The following CCNE1 variants were observed in gnomAD, a reference collection of about 807,000 sequenced individuals.
CCNE1 encodes the protein G1/S-specific cyclin-E1.
Under a neutral mutation model 54.1 loss-of-function variants are expected in CCNE1, and 8 were observed. That is an observed-to-expected ratio of 0.15 (90% CI 0.09 to 0.27). CCNE1 has a LOEUF of 0.27. CCNE1 is among the 10% of genes least tolerant of loss of function. CCNE1 has a pLI of 1.00. For synonymous variants in CCNE1, 179 were observed against 185.2 expected (o/e 0.97, Z 0.27); for missense variants, 430 against 514.9 (o/e 0.84, Z 1.60).
In CCNE1 at chr19:29,823,891, C is replaced by A; in HGVS notation, c.*114C>A. On this transcript the variant is annotated 3_prime_UTR_variant, in exon 12 of 12. Transcript: ENST00000262643. Reference sequence around the variant, plus strand: ...CAGATATCTGAATGGAAGAGTGTTTCTTCCACAACAGAAGTATTTCTGTGG... The same window carrying A: ...CAGATATCTGAATGGAAGAGTGTTTATTCCACAACAGAAGTATTTCTGTGG... 3 of 1,148,600 alleles carry A rather than the reference C, an allele frequency of 2.6e-6. No homozygotes were observed. The highest frequency in any genetic ancestry group is 6.3e-4 in the Middle Eastern group (2 of 3,152). The allele number at this position is 1,148,600 out of a possible 1,614,324, so 71.2% of individuals were successfully genotyped here. A position where few individuals can be genotyped will look rare whatever the true frequency, so the allele number is the denominator to read the frequency against.
At chr19:29,818,531 C>T (rs1366987866) in intron 6 of CCNE1, among the ~76,000 whole-genome samples, 1 of 152,156 alleles carries the variant, frequency 6.6e-6, no homozygotes, top group East Asian at 1.9e-4. Context: ...AAATTGTAAA[C>T]ATATATGAAC....
At chr19:29,816,996 T>A in intron 4 of CCNE1, 141 bp from the exon 5 acceptor site, 1 of 810,662 alleles carries the variant, frequency 1.2e-6, no homozygotes, top group Non-Finnish European at 1.9e-6. Context: ...ACAAAAAATA[T>A]CATAATGTAT....
chr19:29,819,348 T>TC (rs1179043590), intron 6 of CCNE1, among the ~76,000 whole-genome samples: 1 of 150,520 alleles, frequency 6.6e-6, no homozygotes, highest in African/African-American at 2.4e-5. Flanking sequence ...AGTGGTGCAG[T>TC]CACGGCTCAC....
At chr19:29,817,644 A>C in intron 6 of CCNE1, 103 bp downstream of exon 6, 1 of 1,226,642 alleles carries the variant, frequency 8.2e-7, no homozygotes. Flanking sequence ...CATGTTCTCC[A>C]TCTCTGAAGC....
Position 29,817,478 on chromosome 19 carries a change from T to C in CCNE1, c.399T>C (p.Phe133=), listed in dbSNP as rs3218045. 0.039 allele frequency: 62,943 copies of C among 1,614,192 alleles called. 1,423 individuals carry two copies. The highest frequency in any genetic ancestry group is 0.058 in the Middle Eastern group (351 of 6,062). ...KEKTYLRDQH[F]LEQHPLLQPK... is the part of the protein sequence containing the mutation. ...AGACATACTTAAGGGATCAGCACTT[T>C]CTTGAGCAACACCCTCTTCTGCAGC... The change falls in exon 6 of 12, where the codon TTT becomes TTC. Residue 133 remains phenylalanine, a synonymous_variant. Transcript: ENST00000262643.
chr19:29,821,450 C>T (rs1412932016), intron 7 of CCNE1, among the ~76,000 whole-genome samples: 3 of 151,380 alleles, frequency 2.0e-5, no homozygotes, highest in African/African-American at 7.3e-5. Flanking sequence ...GCCCAACTTT[C>T]AAATGTGTTA....
At chr19:29,818,096 A>C (rs1480007598) in intron 6 of CCNE1, among the ~76,000 whole-genome samples, 1 of 144,542 alleles carries the variant, frequency 6.9e-6, no homozygotes, top group Non-Finnish European at 1.5e-5. Context: ...GTGCGATCTC[A>C]GCTTACTGCA....
At chr19:29,813,317 T>G in intron 4 of CCNE1, 1 of 430,950 alleles carries the variant, frequency 2.3e-6, no homozygotes, top group Non-Finnish European at 4.2e-6. Flanking sequence ...TATTCAGTCC[T>G]CCCCTTCTGC....
At chr19:29,819,216 C>G (rs1974095272) in intron 6 of CCNE1, among the ~76,000 whole-genome samples, 1 of 151,980 alleles carries the variant, frequency 6.6e-6, no homozygotes, top group Non-Finnish European at 1.5e-5. Context: ...TGCACTCCAG[C>G]CTAGGTGACC....
intron 3 of CCNE1, 46 bp downstream of exon 3, chr19:29,812,822 C>T: frequency 6.3e-7 from 1 of 1,586,618 alleles, no homozygotes; most frequent in South Asian, 1.1e-5. Context: ...CCCATCTCAC[C>T]TGGGTACCCG....
intron 6 of CCNE1, among the ~76,000 whole-genome samples, chr19:29,818,972 A>G (rs923003101): frequency 1.3e-5 from 2 of 151,940 alleles, no homozygotes; most frequent in Admixed American, 6.6e-5. Context: ...CATGTTGGTC[A>G]GGCTGGTCTT....
intron 1 of CCNE1, 100 bp downstream of exon 1, chr19:29,812,252 G>T (rs1973906032): frequency 6.1e-6 from 1 of 163,932 alleles, no homozygotes; most frequent in Admixed American, 6.4e-5. Context: ...CGGGTCCCCG[G>T]GCGGCGTCGC....
chr19:29,815,290 C>T (rs560466410), intron 4 of CCNE1, among the ~76,000 whole-genome samples: 4 of 152,326 alleles, frequency 2.6e-5, no homozygotes, highest in Admixed American at 1.3e-4. Flanking sequence ...CAACTTACAG[C>T]GGTTGTAATG....
chr19:29,815,407 A>G (rs914239235), intron 4 of CCNE1, among the ~76,000 whole-genome samples: 1 of 152,164 alleles, frequency 6.6e-6, no homozygotes, highest in Non-Finnish European at 1.5e-5. Context: ...GATAATTTGC[A>G]TGCCCAATTC....
rs891967909 is a variant in CCNE1, at chr19:29,812,024, G to C, written c.-153G>C. ...CCGGCGCGGCCGCCAGCGCGGTGTA[G>C]GGGGCAGGCGCGGATCCCGCCACCG... On this transcript the variant is annotated 5_prime_UTR_variant, in exon 1 of 12. Coordinates refer to ENST00000262643, the MANE Select transcript of CCNE1 (RefSeq NM_001238.4). The C allele has an allele frequency of 6.8e-6, 1 of 147,572 alleles. No individual in the cohort carries two copies. The highest frequency in any genetic ancestry group is 1.8e-4 in the South Asian group (1 of 5,548). The allele number at this position is 147,572 out of a possible 1,614,324, so 9.1% of individuals were successfully genotyped here.
rs762712656 is a variant in CCNE1 at position 29,822,267 on chromosome 19, G to A, written c.868G>A (p.Asp290Asn). The change falls in exon 10 of 12, where the codon GAC becomes AAC. Residue 290 changes from aspartate (D) to asparagine (N), a missense_variant. Asp to Asn is a conservative substitution (Grantham distance 23). This residue lies in a region of CCNE1 where 303 missense variants were observed against 401.1 expected (regional missense o/e 0.76). Transcript: ENST00000262643. Reference protein sequence around the residue: ...ELLDLCVLDVDCLEFPYGILA... With the variant: ...ELLDLCVLDVNCLEFPYGILA... ...GTTGGATCTCTGTGTCCTGGATGTT[G>A]ACTGCCTTGAATTTCCTTATGGTAT... 1.9e-6 allele frequency: 3 copies of A among 1,614,000 alleles called. No homozygotes were observed. The highest frequency in any genetic ancestry group is 1.7e-6 in the Non-Finnish European group (2 of 1,179,990).
chr19:29,822,198 C>T (rs1974164710), intron 9 of CCNE1, 42 bp from the exon 10 acceptor site: 3 of 1,609,410 alleles, frequency 1.9e-6, no homozygotes, highest in Non-Finnish European at 2.5e-6. Context: ...CTAGAATAGG[C>T]GTGTGGTGGC....
chr19:29,821,843 AT>A (rs1465988719), intron 8 of CCNE1, 26 bp downstream of exon 8: 2 of 1,563,276 alleles, frequency 1.3e-6, no homozygotes, highest in South Asian at 1.1e-5. Context: ...TTTTCCGGCC[AT>A]TTTTTAAATG....
At chr19:29,814,833 T>C (rs1462030842) in intron 4 of CCNE1, among the ~76,000 whole-genome samples, 1 of 152,248 alleles carries the variant, frequency 6.6e-6, no homozygotes, top group East Asian at 1.9e-4. Context: ...CCCTTTTATC[T>C]AAGATCTACT....
Sources: gnomAD v4.1 joint callset for allele counts (sites outside exome capture counted in the v4.1 genomes callset) on GRCh38, gnomAD v4.1.1 for gene constraint, gnomAD v4.1.1 regional missense constraint, MANE v1.5 for transcripts, NCBI Gene and HGNC (gene_info 2026-07-23, HGNC 2026-07-21) for gene names.